TENM1: variants seen among roughly 807,000 people sequenced by gnomAD.
The protein encoded by TENM1 is teneurin transmembrane protein 1.
In TENM1, 35 loss-of-function variants were observed where a neutral mutation model predicts 174.8. The observed-to-expected ratio is 0.20, with a 90% CI of 0.15 to 0.27. The LOEUF is 0.27. TENM1 is among the 10% of genes least tolerant of loss of function. The pLI is 1.00. For missense variants in TENM1, 1,633 were observed against 2,130.1 expected (o/e 0.77, Z 4.59); for synonymous variants, 781 against 798.7 (o/e 0.98, Z 0.37).
chrX:124,425,517 T>C lies in TENM1; in HGVS notation c.4105-2879A>G, dbSNP rs540537600. ...GAAGACAGACTTGAGCTGGCATGTT[T>C]TTGTCCTCTTGCCATATGATGCCAT... On this transcript the variant is annotated intron_variant, in intron 23 of 31. Transcript: ENST00000422452. Among the ~76,000 whole-genome samples the C allele has an allele frequency of 1.8e-4, 20 of 112,189 alleles. No individual in the cohort carries two copies. The South Asian group carries it at 7.1e-3, about 40-fold the overall frequency.
At chrX:124,927,604 T>A (rs1283189917) in intron 1 of TENM1, among the ~76,000 whole-genome samples, 1 of 111,826 alleles carries the variant, frequency 8.9e-6, no homozygotes, top group South Asian at 3.7e-4. Context: ...AGAAAGATGC[T>A]GGTGCTAATC....
intron 16 of TENM1, among the ~76,000 whole-genome samples, chrX:124,524,374 C>T (rs987709799): frequency 9.0e-6 from 1 of 111,724 alleles, no homozygotes; most frequent in African/African-American, 3.3e-5. Context: ...AAGTAAGGAG[C>T]CAAAAGGTTA....
chrX:124,809,395 C>T (rs984895408), intron 3 of TENM1, among the ~76,000 whole-genome samples: 1 of 110,989 alleles, frequency 9.0e-6, no homozygotes, highest in Admixed American at 9.6e-5. Flanking sequence ...AACTACAGAC[C>T]AATACTCCAG....
At chrX:125,147,997 C>T in the TENM1 span, among the ~76,000 whole-genome samples, 1 of 111,304 alleles carries the variant, frequency 9.0e-6, no homozygotes, top group Non-Finnish European at 1.9e-5. Flanking sequence ...CTTCCCTTAA[C>T]TATACCTTCA....
chrX:124,742,081 T>C (rs1469499736), intron 3 of TENM1, among the ~76,000 whole-genome samples: 5 of 112,016 alleles, frequency 4.5e-5, no homozygotes, highest in African/African-American at 1.3e-4. Flanking sequence ...CTTGAAAAAT[T>C]TGACCAAAGT....
intron 3 of TENM1, among the ~76,000 whole-genome samples, chrX:124,842,567 G>T (rs1296421321): frequency 9.0e-6 from 1 of 111,061 alleles, no homozygotes; most frequent in Non-Finnish European, 1.9e-5. Flanking sequence ...TGACATCAGG[G>T]TACCAACATG....
chrX:124,504,721 G>A (rs1034123348), intron 18 of TENM1, among the ~76,000 whole-genome samples: 3 of 111,561 alleles, frequency 2.7e-5, no homozygotes, highest in Admixed American at 1.9e-4. Flanking sequence ...AGATGCCCCT[G>A]AAGAGCTCAG....
chrX:124,819,412 T>C (rs1449424799), intron 3 of TENM1, among the ~76,000 whole-genome samples: 1 of 111,364 alleles, frequency 9.0e-6, no homozygotes, highest in African/African-American at 3.3e-5. Context: ...AGAAAACTTA[T>C]GTGGGAGAGG....
Position 124,691,713 on chromosome X carries a change from A to G in TENM1, c.1015+13300T>C, listed in dbSNP as rs150485901. Among the ~76,000 whole-genome samples the G allele has an allele frequency of 9.5e-3, 1,059 of 111,536 alleles. 10 individuals are homozygous for G. Among genetic ancestry groups the G allele is most frequent in the African/African-American group, 0.032 (995 of 30,764 alleles). On this transcript the variant is annotated intron_variant, in intron 5 of 31. Transcript: ENST00000422452. Reference sequence around the variant, plus strand: ...GTCTGCCTACTTGTTAATTTTTAACACTATTTTATTTATCTTTCTATTATT... The same window carrying G: ...GTCTGCCTACTTGTTAATTTTTAACGCTATTTTATTTATCTTTCTATTATT...
At chrX:124,959,661 TCTTAAA>T (rs938037927) in intron 1 of TENM1, among the ~76,000 whole-genome samples, 1 of 111,344 alleles carries the variant, frequency 9.0e-6, no homozygotes, top group African/African-American at 3.3e-5. Flanking sequence ...CATACCAGCA[TCTTAAA>T]CTTAACATGT....
chrX:124,662,835 C>T (rs748671285), intron 6 of TENM1, among the ~76,000 whole-genome samples: 2 of 111,902 alleles, frequency 1.8e-5, no homozygotes, highest in Non-Finnish European at 3.8e-5. Context: ...CAGTTTGTTG[C>T]ATGTTGTTTG....
At chrX:124,557,487 TA>T (rs963091899) in intron 14 of TENM1, among the ~76,000 whole-genome samples, 3 of 111,395 alleles carry the variant, frequency 2.7e-5, no homozygotes, top group African/African-American at 9.8e-5. Context: ...TGTTTTCTTT[TA>T]CTTTTAACTC....
chrX:124,688,351 G>A (rs1023384096), intron 5 of TENM1, among the ~76,000 whole-genome samples: 4 of 109,354 alleles, frequency 3.7e-5, no homozygotes, highest in African/African-American at 1.3e-4. Context: ...CCAGGTTCAA[G>A]CGATTCTTCT....
At chrX:124,646,299 T>C (rs1602895224) in intron 9 of TENM1, among the ~76,000 whole-genome samples, 1 of 112,291 alleles carries the variant, frequency 8.9e-6, no homozygotes, top group East Asian at 2.8e-4. Flanking sequence ...CAAGCAGTTA[T>C]CAACTTAGTT....
chrX:125,071,376 A>T, the TENM1 span, among the ~76,000 whole-genome samples: 1 of 111,988 alleles, frequency 8.9e-6, no homozygotes. Flanking sequence ...TGAGGTCAAT[A>T]GAGATTCATC....
At chrX:124,648,040 G>C (rs1004110455) in intron 8 of TENM1, among the ~76,000 whole-genome samples, 1 of 111,039 alleles carries the variant, frequency 9.0e-6, no homozygotes, top group Non-Finnish European at 1.9e-5. Flanking sequence ...CTACAATTGT[G>C]GCCTGTGGAT....
intron 3 of TENM1, among the ~76,000 whole-genome samples, chrX:124,761,163 T>G (rs1368961569): frequency 9.0e-6 from 1 of 111,088 alleles, no homozygotes; most frequent in African/African-American, 3.3e-5. Flanking sequence ...GAATTGGAAA[T>G]ACCATTTGAC....
intron 4 of TENM1, among the ~76,000 whole-genome samples, chrX:124,712,206 C>A (rs941653850): frequency 1.8e-5 from 2 of 111,595 alleles, no homozygotes; most frequent in African/African-American, 6.5e-5. Flanking sequence ...TGGATAAATA[C>A]CTAGAAGTAG....
At chrX:125,169,635 G>C in the TENM1 span, among the ~76,000 whole-genome samples, 1 of 111,207 alleles carries the variant, frequency 9.0e-6, no homozygotes, top group South Asian at 3.7e-4. Flanking sequence ...TCTTTCAATA[G>C]CTAAGTTTCT....
Sources: allele counts gnomAD v4.1 joint callset (sites outside exome capture counted in the v4.1 genomes callset), GRCh38; gene constraint gnomAD v4.1.1; transcripts MANE v1.5; gene names NCBI Gene and HGNC (gene_info 2026-07-23, HGNC 2026-07-21).